IL1RAPL1: variants seen among roughly 807,000 people sequenced by gnomAD.
IL1RAPL1 encodes the protein interleukin-1 receptor accessory protein-like 1.
IL1RAPL1 carries 3 observed loss-of-function variants against 48.4 expected under a neutral mutation model. The observed-to-expected ratio is 0.06, with a 90% confidence interval of 0.03 to 0.16. The LOEUF (loss-of-function observed/expected upper bound fraction) is 0.16, where lower values mean the gene tolerates loss of function less well. Among genes scored for constraint, IL1RAPL1 ranks in the 10% least tolerant of loss-of-function variants. IL1RAPL1 has a pLI of 1.00. For missense variants in IL1RAPL1, 349 were observed against 530.6 expected, an observed-to-expected ratio of 0.66 and a Z score of 3.36; for synonymous variants, 185 against 187.7, an observed-to-expected ratio of 0.99 and a Z score of 0.12.
rs1049861023 is a variant in IL1RAPL1 at position 29,206,315 on chromosome X, GT to G, written c.83-76615del. 1.1e-4 allele frequency among the ~76,000 whole-genome samples: 12 copies of G among 109,652 alleles called. No homozygotes were observed. In the East Asian group the frequency reaches 1.4e-3, roughly 13 times the overall value. On this transcript the variant is annotated intron_variant, in intron 2 of 10. Transcript: ENST00000378993. Reference sequence around the variant, plus strand: ...ATTTTATCAGTTAAATGTTAATTCTGTTTTTTTTCAAGAACAAAGACATCTT... The same window carrying G: ...ATTTTATCAGTTAAATGTTAATTCTGTTTTTTTCAAGAACAAAGACATCTT...
At chrX:29,917,692 A>G in intron 7 of IL1RAPL1, 96 bp downstream of exon 7, 3 of 691,748 alleles carry the variant, frequency 4.3e-6, no homozygotes, top group Admixed American at 2.9e-5. Flanking sequence ...TTGTTTTACT[A>G]GTATCATAAT....
intron 5 of IL1RAPL1, among the ~76,000 whole-genome samples, chrX:29,633,702 T>C (rs1164810388): frequency 9.0e-6 from 1 of 111,577 alleles, no homozygotes; most frequent in Non-Finnish European, 1.9e-5. Flanking sequence ...ATCTGTTCTA[T>C]GCCTGTATTC....
chrX:28,737,224 TTTCTTTCTTTCTTTCTTTC>T (rs1199961054), intron 1 of IL1RAPL1, among the ~76,000 whole-genome samples: 119 of 86,524 alleles, frequency 1.4e-3, no homozygotes, highest in Non-Finnish European at 2.0e-3. Context: ...TCTTTCTTTC[TTTCTTTCTTTCTTTCTTTC>T]TTTCTTTCTT....
At chrX:29,444,574 C>T (rs756431917) in intron 5 of IL1RAPL1, among the ~76,000 whole-genome samples, 2 of 110,318 alleles carry the variant, frequency 1.8e-5, no homozygotes, top group South Asian at 3.9e-4. Flanking sequence ...GGTGTTACAA[C>T]GTAGAACATA....
At chrX:29,742,412 A>C (rs1928228162) in intron 6 of IL1RAPL1, among the ~76,000 whole-genome samples, 1 of 111,109 alleles carries the variant, frequency 9.0e-6, no homozygotes, top group Admixed American at 9.6e-5. Flanking sequence ...ATTCATGGCC[A>C]AACCATGATG....
At chrX:28,687,916 A>C (rs1304059037) in intron 1 of IL1RAPL1, among the ~76,000 whole-genome samples, 1 of 111,100 alleles carries the variant, frequency 9.0e-6, no homozygotes, top group African/African-American at 3.3e-5. Flanking sequence ...AGCCTGGCCA[A>C]CATGGCGAAA....
chrX:28,816,221 T>C (rs1200123619), intron 2 of IL1RAPL1, among the ~76,000 whole-genome samples: 1 of 109,321 alleles, frequency 9.1e-6, no homozygotes, highest in African/African-American at 3.3e-5. Flanking sequence ...TGAGATGATA[T>C]CTCATTGTGG....
chrX:28,907,248 AT>A (rs948158791), intron 2 of IL1RAPL1, among the ~76,000 whole-genome samples: 4 of 110,657 alleles, frequency 3.6e-5, no homozygotes, highest in African/African-American at 1.3e-4. Flanking sequence ...ATGTTTTATT[AT>A]TTTTATTTTT....
chrX:28,695,179 A>C (rs1297436395), intron 1 of IL1RAPL1, among the ~76,000 whole-genome samples: 1 of 111,303 alleles, frequency 9.0e-6, no homozygotes, highest in Non-Finnish European at 1.9e-5. Flanking sequence ...TTTACTTTTT[A>C]CCTCATTATT....
chrX:29,376,316 A>G (rs1359464685), intron 3 of IL1RAPL1, among the ~76,000 whole-genome samples: 1 of 110,491 alleles, frequency 9.1e-6, no homozygotes, highest in Non-Finnish European at 1.9e-5. Context: ...CCTTCATTTC[A>G]GTGTTCACCC....
At chrX:29,310,133 A>C (rs2049038425) in intron 3 of IL1RAPL1, among the ~76,000 whole-genome samples, 1 of 67,285 alleles carries the variant, frequency 1.5e-5, no homozygotes, top group African/African-American at 6.7e-5. Flanking sequence ...AAAAAAAGAA[A>C]GGAAAAAAAA....
At chrX:28,946,126 G>T (rs1924297408) in intron 2 of IL1RAPL1, among the ~76,000 whole-genome samples, 1 of 109,040 alleles carries the variant, frequency 9.2e-6, no homozygotes, top group Non-Finnish European at 1.9e-5. Context: ...ATCAACAAAT[G>T]GTTACTACAG....
chrX:29,404,468 G>A (rs55767707), intron 5 of IL1RAPL1, among the ~76,000 whole-genome samples: 12,315 of 110,328 alleles, frequency 0.11, 1,060 homozygotes, highest in African/African-American at 0.3. Flanking sequence ...TGATAGCCCT[G>A]GATATTCCAA....
At chrX:29,057,202 T>G (rs1359673965) in intron 2 of IL1RAPL1, among the ~76,000 whole-genome samples, 1 of 111,721 alleles carries the variant, frequency 9.0e-6, no homozygotes, top group Non-Finnish European at 1.9e-5. Context: ...CATCATGATA[T>G]TCACATAGCA....
At position 29,610,819 on chromosome X, in the gene IL1RAPL1, G is replaced by A. The variant is rs189734738; in HGVS notation, c.704-57611G>A. On this transcript the variant is annotated intron_variant, in intron 5 of 10. Coordinates refer to ENST00000378993, the MANE Select transcript of IL1RAPL1 (RefSeq NM_014271.4). ...TTTTGGGCTCCTGCCCCACAGTGGC[G>A]TCTAGGGTTGTGTTACAATTAATGC... is the stretch of plus-strand genomic sequence containing the variant. 2.5e-3 allele frequency among the ~76,000 whole-genome samples: 276 copies of A among 112,085 alleles called. 1 individual carries two copies. Among genetic ancestry groups the A allele is most frequent in the Non-Finnish European group, 3.3e-3 (174 of 53,233 alleles).
chrX:29,280,998 G>A (rs1224489851), intron 2 of IL1RAPL1, among the ~76,000 whole-genome samples: 1 of 112,183 alleles, frequency 8.9e-6, no homozygotes, highest in East Asian at 2.8e-4. Flanking sequence ...ATCGTTAAGT[G>A]CTTATTAGAT....
At chrX:29,289,265 T>A (rs915316705) in intron 3 of IL1RAPL1, among the ~76,000 whole-genome samples, 2 of 112,307 alleles carry the variant, frequency 1.8e-5, no homozygotes, top group Non-Finnish European at 3.8e-5. Flanking sequence ...AGGACTGATG[T>A]TTGTTTAGGT....
intron 2 of IL1RAPL1, among the ~76,000 whole-genome samples, chrX:29,048,713 G>A (rs1441392835): frequency 8.9e-6 from 1 of 111,983 alleles, no homozygotes; most frequent in East Asian, 2.8e-4. Flanking sequence ...GTTTTCTTCT[G>A]AGTGGTTCTA....
chrX:28,588,249 TGTGTGTGTGC>T (rs1933870793), intron 1 of IL1RAPL1, among the ~76,000 whole-genome samples: 2 of 98,886 alleles, frequency 2.0e-5, no homozygotes, highest in African/African-American at 7.3e-5. Flanking sequence ...TGTGTGTGTA[TGTGTGTGTGC>T]GTGTGTGTGT....
Sources: gnomAD v4.1 joint callset for allele counts (sites outside exome capture counted in the v4.1 genomes callset) on GRCh38, gnomAD v4.1.1 for gene constraint, MANE v1.5 for transcripts, NCBI Gene and HGNC (gene_info 2026-07-23, HGNC 2026-07-21) for gene names.